EXOC6B: variants seen among roughly 807,000 people sequenced by gnomAD.
The protein encoded by EXOC6B is exocyst complex component 6B.
A neutral mutation model predicts 113.5 loss-of-function variants in EXOC6B; 54 were observed. The observed-to-expected ratio is 0.48, with a 90% CI of 0.38 to 0.60. The LOEUF is 0.60. Ranked by LOEUF, EXOC6B falls within the 20% of genes least tolerant of loss-of-function variation. EXOC6B has a pLI of 0.00. For synonymous variants in EXOC6B, 357 were observed against 339.0 expected (o/e 1.05, Z -0.58); for missense variants, 797 against 977.5 (o/e 0.82, Z 2.46).
At chr2:72,737,302 C>T (rs140553491) in intron 2 of EXOC6B, among the ~76,000 whole-genome samples, 1 of 151,880 alleles carries the variant, frequency 6.6e-6, no homozygotes, top group Admixed American at 6.6e-5. Context: ...CAAGATTGTG[C>T]CACTGAGCTC....
chr2:72,643,935 G>A (rs1673476323), intron 6 of EXOC6B, among the ~76,000 whole-genome samples: 2 of 152,048 alleles, frequency 1.3e-5, no homozygotes, highest in African/African-American at 4.8e-5. Flanking sequence ...AACAAAGCTG[G>A]ATGGAGAATG....
intron 6 of EXOC6B, among the ~76,000 whole-genome samples, chr2:72,584,735 CA>C (rs1033576041): frequency 3.3e-5 from 5 of 152,080 alleles, no homozygotes; most frequent in African/African-American, 1.2e-4. Flanking sequence ...GAACATACTC[CA>C]AGATTGATCA....
At chr2:72,448,222 G>A (rs1035696849) in intron 18 of EXOC6B, among the ~76,000 whole-genome samples, 8 of 152,024 alleles carry the variant, frequency 5.3e-5, no homozygotes, top group Non-Finnish European at 1.2e-4. Context: ...CCTCTGCCTA[G>A]TGTTTTTTCC....
intron 6 of EXOC6B, among the ~76,000 whole-genome samples, chr2:72,706,549 G>GT (rs1224469362): frequency 5.9e-5 from 9 of 151,424 alleles, no homozygotes; most frequent in African/African-American, 9.7e-5. Flanking sequence ...TATTTTTTTT[G>GT]TTTTTTTTAG....
At chr2:72,195,182 C>T (rs1361902528) in intron 20 of EXOC6B, among the ~76,000 whole-genome samples, 1 of 152,196 alleles carries the variant, frequency 6.6e-6, no homozygotes, top group Non-Finnish European at 1.5e-5. Context: ...GCTTCAGATT[C>T]TCCTGTTGTT....
At chr2:72,792,698 G>A (rs567844892) in intron 1 of EXOC6B, among the ~76,000 whole-genome samples, 3 of 152,090 alleles carry the variant, frequency 2.0e-5, no homozygotes, top group African/African-American at 7.2e-5. Context: ...TAAAAAAACC[G>A]AGGCTAATGG....
Position 72,595,869 on chromosome 2 carries a change from C to A in EXOC6B, c.670-20201G>T, listed in dbSNP as rs184434937. On this transcript the variant is annotated intron_variant, in intron 6 of 21. Coordinates refer to ENST00000272427, the MANE Select transcript of EXOC6B (RefSeq NM_015189.3). ...TGAAGGCTAAAAAATGTTTCAAGTT[C>A]TCAATTTGCACAAATAAGACTACCA... 2.6e-5 allele frequency among the ~76,000 whole-genome samples: 4 copies of A among 152,228 alleles called. No individual in the cohort carries two copies. The East Asian group carries it at 7.7e-4, about 29-fold the overall frequency.
At chr2:72,660,114 G>A (rs1416238508) in intron 6 of EXOC6B, among the ~76,000 whole-genome samples, 2 of 150,708 alleles carry the variant, frequency 1.3e-5, no homozygotes, top group African/African-American at 2.4e-5. Context: ...TGAGTGTAAA[G>A]GACTGGCTAT....
chr2:72,324,646 T>A (rs1010646170), intron 20 of EXOC6B, among the ~76,000 whole-genome samples: 1 of 152,198 alleles, frequency 6.6e-6, no homozygotes, highest in Non-Finnish European at 1.5e-5. Context: ...TTTAATAGTC[T>A]AGGAAATGAC....
intron 16 of EXOC6B, among the ~76,000 whole-genome samples, chr2:72,482,391 C>A: frequency 6.6e-6 from 1 of 151,038 alleles, no homozygotes; most frequent in East Asian, 1.9e-4. Context: ...TCCATTTTCA[C>A]AAAAATATGT....
intron 20 of EXOC6B, among the ~76,000 whole-genome samples, chr2:72,242,124 C>T (rs764269251): frequency 2.6e-5 from 4 of 152,080 alleles, no homozygotes; most frequent in Non-Finnish European, 5.9e-5. Flanking sequence ...CCCAGGAGGT[C>T]GAGGCTGCAG....
chr2:72,804,934 T>C (rs1361475539), intron 1 of EXOC6B, among the ~76,000 whole-genome samples: 1 of 152,062 alleles, frequency 6.6e-6, no homozygotes, highest in African/African-American at 2.4e-5. Context: ...CCAGATACCA[T>C]CTCCATACAT....
chr2:72,804,384 G>A (rs146563218), intron 1 of EXOC6B, among the ~76,000 whole-genome samples: 3 of 152,040 alleles, frequency 2.0e-5, no homozygotes, highest in South Asian at 2.1e-4. Context: ...GGAAAATGAC[G>A]GATCTGCTTA....
At chr2:72,689,008 C>G (rs1202517935) in intron 6 of EXOC6B, among the ~76,000 whole-genome samples, 1 of 152,064 alleles carries the variant, frequency 6.6e-6, no homozygotes, top group Non-Finnish European at 1.5e-5. Context: ...GCATTAGGTC[C>G]AAAAGAAAAT....
intron 17 of EXOC6B, among the ~76,000 whole-genome samples, chr2:72,478,649 T>C (rs2105478465): frequency 6.6e-6 from 1 of 152,312 alleles, no homozygotes; most frequent in Middle Eastern, 3.4e-3. Context: ...CTGCCTTTAA[T>C]TTTCCCTCAG....
chr2:72,794,549 T>A (rs183956079), intron 1 of EXOC6B, among the ~76,000 whole-genome samples: 2 of 152,336 alleles, frequency 1.3e-5, no homozygotes, highest in Non-Finnish European at 2.9e-5. Flanking sequence ...CTATGTCCTC[T>A]GTTCACTTCT....
chr2:72,517,857 A>G (rs930925491), intron 8 of EXOC6B, among the ~76,000 whole-genome samples: 4 of 152,210 alleles, frequency 2.6e-5, no homozygotes, highest in Non-Finnish European at 4.4e-5. Context: ...AAACCAAATC[A>G]TGAACTTCTA....
At chr2:72,239,909 T>C (rs1045907436) in intron 20 of EXOC6B, among the ~76,000 whole-genome samples, 5 of 152,244 alleles carry the variant, frequency 3.3e-5, no homozygotes, top group Admixed American at 6.5e-5. Flanking sequence ...TTTATTATTT[T>C]TTATTTTATA....
intron 6 of EXOC6B, among the ~76,000 whole-genome samples, chr2:72,631,426 G>GTGTGTGTATATATA (rs1290760055): frequency 2.5e-4 from 7 of 28,182 alleles, no homozygotes; most frequent in African/African-American, 8.1e-4. Context: ...GTGTGTGTGT[G>GTGTGTGTATATATA]TATATATATA....
Sources: gnomAD v4.1 joint callset for allele counts (sites outside exome capture counted in the v4.1 genomes callset) on GRCh38, gnomAD v4.1.1 for gene constraint, MANE v1.5 for transcripts, NCBI Gene and HGNC (gene_info 2026-07-23, HGNC 2026-07-21) for gene names.